The following CTNNA1 variants were observed in gnomAD, a reference collection of about 807,000 sequenced individuals.
CTNNA1 encodes the protein catenin alpha 1, also known as catenin alpha-1.
Under a neutral mutation model 98.4 loss-of-function variants are expected in CTNNA1, and 37 were observed. That is an observed-to-expected ratio of 0.38 (90% confidence interval 0.29 to 0.49). The LOEUF (loss-of-function observed/expected upper bound fraction) is 0.49, where lower values mean the gene tolerates loss of function less well. Ranked by LOEUF, CTNNA1 falls within the 20% of genes least tolerant of loss-of-function variation. The pLI, the probability that CTNNA1 is intolerant of heterozygous loss-of-function variation, is 0.95. For synonymous variants in CTNNA1, 404 were observed against 413.2 expected (o/e 0.98, Z 0.27); for missense variants, 761 against 1,147.2 (o/e 0.66, Z 4.86).
rs1480075332 is a variant in CTNNA1 at position 138,824,618 on chromosome 5, A to G, written c.677A>G (p.Gln226Arg). The change falls in exon 6 of 18, where the codon CAG becomes CGG. Residue 226 changes from glutamine to arginine, a missense_variant. Physicochemically the swap from Gln to Arg is conservative, Grantham distance 43 (BLOSUM62 1). Transcript: ENST00000302763. The stretch of plus-strand genomic sequence containing the variant: ...GTTCCGATCCTCTATACTGCATCCC[A>G]GGCATGCCTACAGCACCCTGATGTC... ...KNVPILYTAS[Q>R]ACLQHPDVAA... 1 of 1,614,238 alleles carries G rather than the reference A, an allele frequency of 6.2e-7. No individual in the cohort carries two copies. Among genetic ancestry groups the G allele is most frequent in the Admixed American group, 1.7e-5 (1 of 60,028 alleles).
intron 11 of CTNNA1, among the ~76,000 whole-genome samples, chr5:138,919,513 A>G (rs1762472014): frequency 6.6e-6 from 1 of 152,196 alleles, no homozygotes; most frequent in Non-Finnish European, 1.5e-5. Context: ...TCTAGGCAAT[A>G]TCTTTAGGGC....
At chr5:138,814,898 C>T (rs1295830933) in intron 5 of CTNNA1, among the ~76,000 whole-genome samples, 1 of 151,904 alleles carries the variant, frequency 6.6e-6, no homozygotes, top group East Asian at 1.9e-4. Flanking sequence ...GGACTATAAG[C>T]GCCTGTCACC....
At chr5:138,861,325 A>G (rs1764253950) in intron 7 of CTNNA1, among the ~76,000 whole-genome samples, 1 of 152,132 alleles carries the variant, frequency 6.6e-6, no homozygotes. Flanking sequence ...CTGGCTCTGA[A>G]CGCACTTCTT....
chr5:138,928,405 A>T (rs1186992980), intron 13 of CTNNA1, among the ~76,000 whole-genome samples: 2 of 152,210 alleles, frequency 1.3e-5, no homozygotes, highest in Admixed American at 6.5e-5. Context: ...TTTTGATGAA[A>T]GTCAAAAGAA....
intron 7 of CTNNA1, among the ~76,000 whole-genome samples, chr5:138,859,096 A>C (rs562240513): frequency 6.6e-6 from 1 of 152,202 alleles, no homozygotes; most frequent in Non-Finnish European, 1.5e-5. Context: ...TGTAGTCATC[A>C]TTCTGAATTC....
chr5:138,758,059 T>C (rs188621708), intron 1 of CTNNA1, among the ~76,000 whole-genome samples: 1 of 152,012 alleles, frequency 6.6e-6, no homozygotes, highest in African/African-American at 2.4e-5. Flanking sequence ...CAGGCTGGAG[T>C]GCAATGGCGT....
intron 6 of CTNNA1, among the ~76,000 whole-genome samples, chr5:138,827,097 A>AT (rs1186340457): frequency 6.6e-6 from 1 of 152,074 alleles, no homozygotes; most frequent in Non-Finnish European, 1.5e-5. Flanking sequence ...TTATTTTTTA[A>AT]TTTTTTTGTG....
intron 4 of CTNNA1, among the ~76,000 whole-genome samples, chr5:138,811,305 C>T (rs1306604855): frequency 7.0e-6 from 1 of 142,148 alleles, no homozygotes; most frequent in African/African-American, 2.6e-5. Context: ...GCGCTCCCCA[C>T]ATCTCAGACG....
At chr5:138,763,346 A>G (rs1418288265) in intron 1 of CTNNA1, among the ~76,000 whole-genome samples, 2 of 152,210 alleles carry the variant, frequency 1.3e-5, no homozygotes, top group African/African-American at 4.8e-5. Flanking sequence ...CTTTCTAGGC[A>G]AAGATGCATT....
intron 1 of CTNNA1, among the ~76,000 whole-genome samples, chr5:138,778,202 A>C (rs768743176): frequency 6.6e-6 from 1 of 151,618 alleles, no homozygotes; most frequent in African/African-American, 2.4e-5. Flanking sequence ...CACAGTGTTG[A>C]CCAGGATGGT....
intron 9 of CTNNA1, among the ~76,000 whole-genome samples, chr5:138,902,408 C>T (rs1224540994): frequency 6.6e-6 from 1 of 152,150 alleles, no homozygotes. Flanking sequence ...GGCACCTCAC[C>T]AGGGATCTTT....
chr5:138,758,585 C>CAGG lies in CTNNA1; in HGVS notation c.-3+5077_-3+5079dup, dbSNP rs569995819. On this transcript the variant is annotated intron_variant, in intron 1 of 17. Transcript: ENST00000302763. ...AGAGATGGCATTTCACCATGTTGGCCAGGATAGTCTTGATCTCTTGACCTC... is the reference window on the plus strand; with the variant it reads ...AGAGATGGCATTTCACCATGTTGGCCAGGAGGATAGTCTTGATCTCTTGACCTC... Among the ~76,000 whole-genome samples, 344 of 152,202 alleles carry CAGG rather than the reference C, an allele frequency of 2.3e-3. 3 individuals carry two copies. The highest frequency in any genetic ancestry group is 4.5e-3 in the Admixed American group (69 of 15,288).
At chr5:138,801,192 A>C (rs954293947) in intron 3 of CTNNA1, among the ~76,000 whole-genome samples, 1 of 152,196 alleles carries the variant, frequency 6.6e-6, no homozygotes, top group Non-Finnish European at 1.5e-5. Context: ...AAATTATTAC[A>C]GTAGTACAGT....
At chr5:138,820,993 A>G (rs545711855) in intron 5 of CTNNA1, among the ~76,000 whole-genome samples, 11 of 152,326 alleles carry the variant, frequency 7.2e-5, no homozygotes, top group Admixed American at 2.6e-4. Flanking sequence ...AATTGTTCCT[A>G]TAATCACTGC....
At chr5:138,898,157 C>CT (rs1757285056) in intron 9 of CTNNA1, among the ~76,000 whole-genome samples, 3 of 129,238 alleles carry the variant, frequency 2.3e-5, no homozygotes, top group African/African-American at 5.8e-5. Context: ...CTTCCTCCCC[C>CT]ACCCCCCCCC....
At chr5:138,876,263 C>T (rs1024907085) in intron 7 of CTNNA1, among the ~76,000 whole-genome samples, 4 of 152,198 alleles carry the variant, frequency 2.6e-5, no homozygotes. Flanking sequence ...AATAATAGAG[C>T]ATTTGCACCC....
At chr5:138,779,696 T>C (rs1754822668) in intron 1 of CTNNA1, among the ~76,000 whole-genome samples, 1 of 147,780 alleles carries the variant, frequency 6.8e-6, no homozygotes, top group Admixed American at 7.0e-5. Context: ...ACTTGGGCAC[T>C]GATAACACTG....
chr5:138,892,407 T>C (rs1244973000), intron 9 of CTNNA1, among the ~76,000 whole-genome samples: 1 of 144,238 alleles, frequency 6.9e-6, no homozygotes, highest in Non-Finnish European at 1.5e-5. Context: ...TGACATGATC[T>C]TGGCTCACTG....
chr5:138,881,188 G>A, intron 7 of CTNNA1: 2 of 451,016 alleles, frequency 4.4e-6, no homozygotes, highest in Non-Finnish European at 9.0e-6. Flanking sequence ...GCGTTTGTCT[G>A]TGTATGTCTG....
Sources: gnomAD v4.1 joint callset for allele counts (sites outside exome capture counted in the v4.1 genomes callset) on GRCh38, gnomAD v4.1.1 for gene constraint, MANE v1.5 for transcripts, NCBI Gene and HGNC (gene_info 2026-07-23, HGNC 2026-07-21) for gene names.